Variants in STAT5B observed in about 807,000 individuals in gnomAD.
STAT5B encodes the protein transcription factor STAT5B.
A neutral mutation model predicts 107.8 loss-of-function variants in STAT5B; 21 were observed. The ratio of observed to expected loss-of-function variants is 0.19; its 90% CI spans 0.14 to 0.28. The LOEUF is 0.28. Among genes scored for constraint, STAT5B ranks in the 10% least tolerant of loss-of-function variants. The probability of loss-of-function intolerance (pLI) is 1.00; values close to 1 mark genes in which losing one functional copy is unlikely to be tolerated. For synonymous variants in STAT5B, 325 were observed against 401.7 expected, an observed-to-expected ratio of 0.81 and a Z score of 2.28; for missense variants, 565 against 1,008.2, an observed-to-expected ratio of 0.56 and a Z score of 5.95.
chr17:42,270,642 A>G (rs2080715564), intron 1 of STAT5B: 1 of 152,244 alleles, frequency 6.6e-6, no homozygotes, highest in Non-Finnish European at 1.5e-5. Flanking sequence ...AATATTTTCT[A>G]TTCAAAAACC....
At position 42,217,451 on chromosome 17, in the gene STAT5B, C is replaced by T; in HGVS notation, c.1183G>A (p.Glu395Lys). Residue 395 changes from glutamate (E) to lysine (K), a missense_variant, in exon 10 of 19, where the codon GAG becomes AAG. Glu to Lys is a moderately conservative substitution (Grantham distance 56). Coordinates refer to ENST00000293328, the MANE Select transcript of STAT5B (RefSeq NM_012448.4). ...NENTRNDYSG[E>K]ILNNCCVMEY... is the part of the protein sequence containing the mutation. Reference sequence around the variant, plus strand: ...ATGACGCAGCAGTTGTTCAAGATCTCGCCACTGTAATCACTGCAAATCAGA... The same window carrying T: ...ATGACGCAGCAGTTGTTCAAGATCTTGCCACTGTAATCACTGCAAATCAGA... 2 of 1,614,178 alleles carry T rather than the reference C, an allele frequency of 1.2e-6. No individual in the cohort carries two copies. Among genetic ancestry groups the T allele is most frequent in the Non-Finnish European group, 8.5e-7 (1 of 1,180,042 alleles).
chr17:42,231,959 G>C, intron 2 of STAT5B, 41 bp downstream of exon 2: 2 of 1,612,174 alleles, frequency 1.2e-6, no homozygotes, highest in East Asian at 4.5e-5. Flanking sequence ...CAATATTCTT[G>C]TGTTTCACAA....
At chr17:42,219,098 G>A (rs923356770) in intron 7 of STAT5B, among the ~76,000 whole-genome samples, 2 of 152,162 alleles carry the variant, frequency 1.3e-5, no homozygotes, top group African/African-American at 2.4e-5. Flanking sequence ...CCACACACCC[G>A]AACCCTGTCC....
intron 18 of STAT5B, 148 bp from the exon 19 acceptor site, chr17:42,202,012 GGCTGTACA>G (rs1343885537): frequency 8.0e-6 from 6 of 751,296 alleles, no homozygotes; most frequent in Non-Finnish European, 1.3e-5. Flanking sequence ...TCAAACAGCT[GGCTGTACA>G]GCAACTCAGA....
rs187561350 is a variant in STAT5B, at chr17:42,248,866, G to A, written c.-10-16729C>T. 3.9e-5 allele frequency among the ~76,000 whole-genome samples: 6 copies of A among 152,308 alleles called. No homozygotes were observed. The East Asian group carries it at 5.8e-4, about 15-fold the overall frequency. ...CCCCTCCTGCTTCTGCAGCTAGTAC[G>A]CAATAGCATTTAGTTTCCAGTAAAG... On this transcript the variant is annotated intron_variant, in intron 1 of 18. Coordinates refer to ENST00000293328, the MANE Select transcript of STAT5B (RefSeq NM_012448.4).
At chr17:42,282,050 C>G in the STAT5B span, among the ~76,000 whole-genome samples, 1 of 152,180 alleles carries the variant, frequency 6.6e-6, no homozygotes, top group African/African-American at 2.4e-5. Flanking sequence ...GGGGGAGAGT[C>G]TTCTGGGAAC....
At chr17:42,220,609 AG>A (rs1235327288) in intron 5 of STAT5B, among the ~76,000 whole-genome samples, 4 of 152,114 alleles carry the variant, frequency 2.6e-5, no homozygotes, top group Non-Finnish European at 5.9e-5. Context: ...CCAACCAACC[AG>A]GGAACACGGA....
At chr17:42,203,093 C>T (rs988634980) in intron 16 of STAT5B, 4 of 449,960 alleles carry the variant, frequency 8.9e-6, no homozygotes, top group Middle Eastern at 6.6e-4. Flanking sequence ...AGGTACACCA[C>T]CACACTTTGG....
intron 1 of STAT5B, among the ~76,000 whole-genome samples, chr17:42,248,846 C>T (rs2080474875): frequency 1.3e-5 from 2 of 152,232 alleles, no homozygotes; most frequent in Admixed American, 6.5e-5. Context: ...AACTTCCCCT[C>T]CTGCTTCTGC....
intron 1 of STAT5B, among the ~76,000 whole-genome samples, chr17:42,265,374 C>CTTTTTTTTTTTTT (rs1275073687): frequency 2.4e-4 from 24 of 99,226 alleles, no homozygotes; most frequent in African/African-American, 1.2e-3. Context: ...GGTATGTACT[C>CTTTTTTTTTTTTT]TTCTTTTTTT....
In STAT5B at chr17:42,199,945, G is replaced by A. The variant is rs1449959853; in HGVS notation, c.*1793C>T. 1 of 152,370 alleles carries A rather than the reference G, an allele frequency of 6.6e-6. No homozygotes were observed. Among genetic ancestry groups the A allele is most frequent in the African/African-American group, 2.4e-5 (1 of 41,438 alleles). The allele number at this position is 152,370 out of a possible 1,614,324, so 9.4% of individuals were successfully genotyped here. A position where few individuals can be genotyped will look rare whatever the true frequency, so the allele number is the denominator to read the frequency against. ...TCTACGAGCCTGGATCCCTGAGCAG[G>A]CAGGCTCTCCTTCTCACCCTTCCCC... is the stretch of plus-strand genomic sequence containing the variant. On this transcript the variant is annotated 3_prime_UTR_variant, in exon 19 of 19. Transcript: ENST00000293328.
At chr17:42,277,643 C>T (rs949017275), upstream of STAT5B, among the ~76,000 whole-genome samples, 11 of 152,214 alleles carry the variant, frequency 7.2e-5, no homozygotes, top group Non-Finnish European at 1.3e-4. Context: ...AGGATGGATG[C>T]GCCAACCAAC....
intron 9 of STAT5B, chr17:42,217,898 G>A: frequency 1.8e-6 from 1 of 542,816 alleles, no homozygotes; most frequent in East Asian, 3.8e-5. Context: ...TAGAGACAGG[G>A]TTTCACCATG....
chr17:42,286,645 G>A, the STAT5B span, among the ~76,000 whole-genome samples: 1 of 152,168 alleles, frequency 6.6e-6, no homozygotes, highest in African/African-American at 2.4e-5. Flanking sequence ...CCCATCAGGT[G>A]CCCAGATGTC....
At chr17:42,274,578 C>A (rs965649604) in intron 1 of STAT5B, among the ~76,000 whole-genome samples, 2 of 152,114 alleles carry the variant, frequency 1.3e-5, no homozygotes, top group Non-Finnish European at 2.9e-5. Flanking sequence ...ACAAAACAAC[C>A]CAAAGCCTTA....
At chr17:42,240,578 T>C (rs1438520705) in intron 1 of STAT5B, among the ~76,000 whole-genome samples, 5 of 152,198 alleles carry the variant, frequency 3.3e-5, no homozygotes, top group African/African-American at 7.2e-5. Context: ...GTGATAATTG[T>C]ATAACTCTGA....
chr17:42,240,579 A>G (rs1198651271), intron 1 of STAT5B, among the ~76,000 whole-genome samples: 1 of 152,220 alleles, frequency 6.6e-6, no homozygotes, highest in Non-Finnish European at 1.5e-5. Flanking sequence ...TGATAATTGT[A>G]TAACTCTGAG....
chr17:42,202,148 C>T, intron 18 of STAT5B, 192 bp downstream of exon 18: 1 of 701,918 alleles, frequency 1.4e-6, no homozygotes, highest in Non-Finnish European at 2.4e-6. Flanking sequence ...TGACATTTGC[C>T]CAACCCGACT....
rs144454777 is a variant in STAT5B, at chr17:42,220,484, C to T, written c.551-642G>A. On this transcript the variant is annotated intron_variant, in intron 5 of 18. Coordinates refer to ENST00000293328, the MANE Select transcript of STAT5B (RefSeq NM_012448.4). ...AGGCCTCTTCAGGGAAACCCAGCCCCGGCGGCTCTGTCTAGTCCCTGAGCA... is the reference window on the plus strand; with the variant it reads ...AGGCCTCTTCAGGGAAACCCAGCCCTGGCGGCTCTGTCTAGTCCCTGAGCA... Among the ~76,000 whole-genome samples, 664 of 152,248 alleles carry T rather than the reference C, an allele frequency of 4.4e-3. 11 individuals are homozygous for T. The highest frequency in any genetic ancestry group is 0.016 in the African/African-American group (644 of 41,532).
Sources: allele counts gnomAD v4.1 joint callset (sites outside exome capture counted in the v4.1 genomes callset), GRCh38; gene constraint gnomAD v4.1.1; transcripts MANE v1.5; gene names NCBI Gene and HGNC (gene_info 2026-07-23, HGNC 2026-07-21).